The following CAMK1D variants were observed in gnomAD, a reference collection of about 807,000 sequenced individuals.
CAMK1D encodes the protein calcium/calmodulin dependent protein kinase ID, also known as calcium/calmodulin-dependent protein kinase type 1D.
In CAMK1D, 9 loss-of-function variants were observed where a neutral mutation model predicts 47.7. The ratio of observed to expected loss-of-function variants is 0.19; its 90% CI spans 0.11 to 0.33. CAMK1D has a LOEUF of 0.33. CAMK1D is among the 10% of genes least tolerant of loss of function. The pLI, the probability that CAMK1D is intolerant of heterozygous loss-of-function variation, is 1.00. For synonymous variants in CAMK1D, 184 were observed against 184.9 expected (o/e 0.99, Z 0.04); for missense variants, 291 against 488.7 (o/e 0.60, Z 3.81).
At chr10:12,430,357 G>A (rs1395271334) in intron 1 of CAMK1D, among the ~76,000 whole-genome samples, 1 of 152,232 alleles carries the variant, frequency 6.6e-6, no homozygotes, top group African/African-American at 2.4e-5. Context: ...TGGTAGGTGG[G>A]CTTGCACGGA....
At chr10:12,559,717 T>TC (rs1836876858) in intron 2 of CAMK1D, among the ~76,000 whole-genome samples, 1 of 152,150 alleles carries the variant, frequency 6.6e-6, no homozygotes, top group Non-Finnish European at 1.5e-5. Context: ...CTGACTGGGC[T>TC]CAGGAGTGAG....
chr10:12,798,025 G>A (rs922835734), intron 6 of CAMK1D, among the ~76,000 whole-genome samples: 9 of 152,208 alleles, frequency 5.9e-5, no homozygotes, highest in South Asian at 2.1e-4. Flanking sequence ...ACCTCAGGCC[G>A]TGTGGAATGC....
chr10:12,683,741 G>C (rs1000305997), intron 3 of CAMK1D, among the ~76,000 whole-genome samples: 3 of 144,876 alleles, frequency 2.1e-5, no homozygotes, highest in Non-Finnish European at 4.5e-5. Flanking sequence ...TAGGAATCCA[G>C]GTGTGTGTGT....
chr10:12,669,263 C>G (rs926913373), intron 3 of CAMK1D, among the ~76,000 whole-genome samples: 2 of 151,944 alleles, frequency 1.3e-5, no homozygotes, highest in African/African-American at 4.8e-5. Context: ...CAAAAAACCA[C>G]GTCGTTAATA....
At chr10:12,488,519 A>G (rs1834281687) in intron 1 of CAMK1D, among the ~76,000 whole-genome samples, 1 of 152,100 alleles carries the variant, frequency 6.6e-6, no homozygotes, top group Non-Finnish European at 1.5e-5. Flanking sequence ...GTTTCCGTGG[A>G]CTGGGATGGG....
chr10:12,623,143 CCCTTCCTT>C (rs1564451339), intron 2 of CAMK1D, among the ~76,000 whole-genome samples: 1 of 17,520 alleles, frequency 5.7e-5, no homozygotes, highest in Non-Finnish European at 1.2e-4. Flanking sequence ...CTCCCTTCCT[CCCTTCCTT>C]CCTCCCTCCT....
rs557603383 is a variant in CAMK1D, at chr10:12,736,752, G to A, written c.300-24196G>A. ...CACCACCATCTCCCTGGCCGCTCTC[G>A]CCAGAGCCAGCGTGGTATTTAATTT... On this transcript the variant is annotated intron_variant, in intron 3 of 10. Coordinates refer to ENST00000619168, the MANE Select transcript of CAMK1D (RefSeq NM_153498.4). Among the ~76,000 whole-genome samples the A allele has an allele frequency of 4.2e-4, 64 of 152,196 alleles. 1 individual carries two copies. Among genetic ancestry groups the A allele is most frequent in the South Asian group, 1.9e-3 (9 of 4,818 alleles).
At chr10:12,693,547 C>CA (rs960241309) in intron 3 of CAMK1D, among the ~76,000 whole-genome samples, 2 of 151,810 alleles carry the variant, frequency 1.3e-5, no homozygotes, top group Admixed American at 1.3e-4. Flanking sequence ...GTGGGAGGAT[C>CA]ACCTGAGCAT....
intron 3 of CAMK1D, among the ~76,000 whole-genome samples, chr10:12,678,363 T>G (rs1315846527): frequency 6.6e-6 from 1 of 152,252 alleles, no homozygotes; most frequent in Non-Finnish European, 1.5e-5. Context: ...TTTGTATGAT[T>G]TCAGTCTTTT....
intron 1 of CAMK1D, among the ~76,000 whole-genome samples, chr10:12,541,514 C>T (rs539110195): frequency 6.6e-5 from 10 of 152,264 alleles, no homozygotes; most frequent in East Asian, 1.9e-4. Flanking sequence ...CAGGCGTGTG[C>T]CACCACGCCT....
chr10:12,736,457 A>AT lies in CAMK1D; in HGVS notation c.300-24484dup, dbSNP rs1041104420. On this transcript the variant is annotated intron_variant, in intron 3 of 10. Coordinates refer to ENST00000619168, the MANE Select transcript of CAMK1D (RefSeq NM_153498.4). ...TAACAGTAATACTGAGAATTTATTG[A>AT]TTTTTTTAAAGCAATTTATTTCTAG... is the stretch of plus-strand genomic sequence containing the variant. Among the ~76,000 whole-genome samples, 18 of 152,312 alleles carry AT rather than the reference A, an allele frequency of 1.2e-4. No individual in the cohort carries two copies. The East Asian group carries it at 1.9e-3, about 16-fold the overall frequency.
chr10:12,588,064 G>A (rs1837873996), intron 2 of CAMK1D, among the ~76,000 whole-genome samples: 1 of 152,124 alleles, frequency 6.6e-6, no homozygotes, highest in South Asian at 2.1e-4. Flanking sequence ...GTAGATCGTA[G>A]ATAATATAAA....
At chr10:12,612,970 G>A (rs1838674815) in intron 2 of CAMK1D, among the ~76,000 whole-genome samples, 1 of 152,134 alleles carries the variant, frequency 6.6e-6, no homozygotes, top group Non-Finnish European at 1.5e-5. Flanking sequence ...TAGAATGAGT[G>A]TCCGCATCTC....
Position 12,747,005 on chromosome 10 carries a change from G to T in CAMK1D, c.300-13943G>T, listed in dbSNP as rs553457874. On this transcript the variant is annotated intron_variant, in intron 3 of 10. Coordinates refer to ENST00000619168, the MANE Select transcript of CAMK1D (RefSeq NM_153498.4). ...TAGACAAATAAATGGAGAAAGAGTT[G>T]TTTTTTTTTTAATTTAATTCTTTTT... Among the ~76,000 whole-genome samples, 439 of 149,062 alleles carry T rather than the reference G, an allele frequency of 2.9e-3. 1 individual carries two copies. Among genetic ancestry groups the T allele is most frequent in the Non-Finnish European group, 5.3e-3 (356 of 66,988 alleles).
At chr10:12,742,812 C>T (rs1364496729) in intron 3 of CAMK1D, among the ~76,000 whole-genome samples, 1 of 150,940 alleles carries the variant, frequency 6.6e-6, no homozygotes, top group Non-Finnish European at 1.5e-5. Flanking sequence ...TCCCCGAGGT[C>T]GTCTAAGAAT....
At chr10:12,610,552 A>G (rs1419642684) in intron 2 of CAMK1D, among the ~76,000 whole-genome samples, 2 of 152,226 alleles carry the variant, frequency 1.3e-5, no homozygotes, top group East Asian at 1.9e-4. Flanking sequence ...AGAACAGAAC[A>G]GAAGGGTTTG....
chr10:12,415,584 G>A (rs956377637), intron 1 of CAMK1D, among the ~76,000 whole-genome samples: 1 of 150,920 alleles, frequency 6.6e-6, no homozygotes, highest in Admixed American at 6.6e-5. Flanking sequence ...ACAGGCATGA[G>A]CCACCGTGCC....
chr10:12,744,694 C>T (rs757744111), intron 3 of CAMK1D, among the ~76,000 whole-genome samples: 4 of 151,222 alleles, frequency 2.6e-5, no homozygotes, highest in Non-Finnish European at 5.9e-5. Context: ...AATTTGAGAG[C>T]AGCCTGGGCA....
chr10:12,658,654 GCACCGGCAGACC>G (rs1840186423), intron 2 of CAMK1D, among the ~76,000 whole-genome samples: 1 of 152,132 alleles, frequency 6.6e-6, no homozygotes. Flanking sequence ...CAAGAGGAAT[GCACCGGCAGACC>G]CACAGGCAGC....
Sources: gnomAD v4.1 joint callset for allele counts (sites outside exome capture counted in the v4.1 genomes callset) on GRCh38, gnomAD v4.1.1 for gene constraint, MANE v1.5 for transcripts, NCBI Gene and HGNC (gene_info 2026-07-23, HGNC 2026-07-21) for gene names.